HIVEP3: variants seen among roughly 807,000 people sequenced by gnomAD.
The protein encoded by HIVEP3 is transcription factor HIVEP3.
HIVEP3 carries 49 observed loss-of-function variants against 152.8 expected under a neutral mutation model. That is an observed-to-expected ratio of 0.32 (90% CI 0.26 to 0.41). The LOEUF (loss-of-function observed/expected upper bound fraction) is 0.41. HIVEP3 is among the 10% of genes least tolerant of loss of function. The pLI, the probability that HIVEP3 is intolerant of heterozygous loss-of-function variation, is 1.00. For missense variants in HIVEP3, 2,790 were observed against 3,103.3 expected (o/e 0.90, Z 2.40); for synonymous variants, 1,269 against 1,289.0 (o/e 0.98, Z 0.33).
At chr1:41,714,735 C>T (rs915597578) in intron 1 of HIVEP3, among the ~76,000 whole-genome samples, 2 of 152,206 alleles carry the variant, frequency 1.3e-5, no homozygotes, top group Non-Finnish European at 2.9e-5. Context: ...AGCACCAAAA[C>T]TTTGTTGCTG....
chr1:41,915,508 TA>T (rs1203266323), intron 1 of HIVEP3, among the ~76,000 whole-genome samples: 1 of 152,226 alleles, frequency 6.6e-6, no homozygotes, highest in Non-Finnish European at 1.5e-5. Context: ...CCAAGCCTCT[TA>T]AAACTTGAAG....
Position 41,524,389 on chromosome 1 carries a change from C to T in HIVEP3, c.5383+346G>A, listed in dbSNP as rs879938071. On this transcript the variant is annotated intron_variant, in intron 6 of 8. Coordinates refer to ENST00000372583, the MANE Select transcript of HIVEP3 (RefSeq NM_024503.5). Reference sequence around the variant, plus strand: ...GGAGTGTCTCAGATCAGTGGATAAACGGCTCAGGAGACATGCAGAAGGGAG... The same window carrying T: ...GGAGTGTCTCAGATCAGTGGATAAATGGCTCAGGAGACATGCAGAAGGGAG... Among the ~76,000 whole-genome samples the T allele has an allele frequency of 2.0e-5, 3 of 152,206 alleles. 1 individual carries two copies. In the South Asian group the frequency reaches 6.2e-4, roughly 32 times the overall value.
chr1:41,733,832 C>T (rs1455760894), intron 1 of HIVEP3, among the ~76,000 whole-genome samples: 1 of 152,206 alleles, frequency 6.6e-6, no homozygotes, highest in Non-Finnish European at 1.5e-5. Context: ...CTCAGCATCC[C>T]AGGCCAGCCT....
intron 5 of HIVEP3, among the ~76,000 whole-genome samples, chr1:41,531,270 AGATGGAG>A (rs1643240028): frequency 1.4e-5 from 2 of 143,120 alleles, no homozygotes; most frequent in Non-Finnish European, 3.1e-5. Flanking sequence ...AGGACAGGAG[AGATGGAG>A]GACAGGGGAG....
intron 1 of HIVEP3, among the ~76,000 whole-genome samples, chr1:41,856,442 G>T (rs1643768398): frequency 6.6e-6 from 1 of 152,172 alleles, no homozygotes; most frequent in Non-Finnish European, 1.5e-5. Context: ...TGGCTAAGGG[G>T]AAGAGAAAAG....
chr1:41,767,666 G>A (rs559165085), intron 1 of HIVEP3, among the ~76,000 whole-genome samples: 1 of 152,328 alleles, frequency 6.6e-6, no homozygotes, highest in African/African-American at 2.4e-5. Context: ...AAATACCCGC[G>A]AACAAGCACA....
At chr1:41,957,695 C>T (rs967123009) in intron 1 of HIVEP3, among the ~76,000 whole-genome samples, 1 of 152,148 alleles carries the variant, frequency 6.6e-6, no homozygotes, top group Non-Finnish European at 1.5e-5. Flanking sequence ...TGGTCCAGAT[C>T]TATTCTTAGC....
At chr1:41,963,869 G>T (rs1474704870) in intron 1 of HIVEP3, among the ~76,000 whole-genome samples, 1 of 152,098 alleles carries the variant, frequency 6.6e-6, no homozygotes, top group Admixed American at 6.5e-5. Flanking sequence ...GTCACTCCCG[G>T]ACATACTCAG....
At chr1:41,748,039 G>A (rs999756587) in intron 1 of HIVEP3, among the ~76,000 whole-genome samples, 1 of 152,194 alleles carries the variant, frequency 6.6e-6, no homozygotes, top group Admixed American at 6.5e-5. Flanking sequence ...TTGAGTTAAG[G>A]CCAGGGCAGG....
At chr1:41,680,529 G>C (rs565414690) in intron 2 of HIVEP3, among the ~76,000 whole-genome samples, 1 of 152,210 alleles carries the variant, frequency 6.6e-6, no homozygotes, top group Non-Finnish European at 1.5e-5. Context: ...GCTGATAGCT[G>C]TCTCAGTCCC....
chr1:41,591,607 C>G (rs900571710), intron 3 of HIVEP3, among the ~76,000 whole-genome samples: 4 of 152,000 alleles, frequency 2.6e-5, no homozygotes, highest in African/African-American at 7.3e-5. Context: ...ATCTTCCTGA[C>G]TCCATGGAAG....
chr1:42,020,823 G>A (rs1032433122), intron 1 of HIVEP3, among the ~76,000 whole-genome samples: 2 of 152,288 alleles, frequency 1.3e-5, no homozygotes, highest in East Asian at 3.9e-4. Context: ...CTGGGGAGGT[G>A]GAAAGGAAAG....
At chr1:41,948,962 T>C (rs1313794846) in intron 1 of HIVEP3, among the ~76,000 whole-genome samples, 1 of 152,106 alleles carries the variant, frequency 6.6e-6, no homozygotes, top group Non-Finnish European at 1.5e-5. Context: ...ACCACTTCTG[T>C]TTTAGTAGGA....
At chr1:41,516,427 C>T (rs142832716) in intron 7 of HIVEP3, among the ~76,000 whole-genome samples, 425 of 152,350 alleles carry the variant, frequency 2.8e-3, no homozygotes, top group African/African-American at 6.9e-3. Flanking sequence ...GAAACTCCAT[C>T]CTTCAGTCTC....
chr1:41,528,861 C>T (rs1180715493), intron 5 of HIVEP3, among the ~76,000 whole-genome samples: 1 of 140,432 alleles, frequency 7.1e-6, no homozygotes, highest in Non-Finnish European at 1.5e-5. Context: ...CACTCACCTT[C>T]ACACACTCCA....
At chr1:41,616,333 C>T (rs556603596) in intron 3 of HIVEP3, among the ~76,000 whole-genome samples, 1 of 152,308 alleles carries the variant, frequency 6.6e-6, no homozygotes, top group Non-Finnish European at 1.5e-5. Context: ...CTTTGTTCCC[C>T]ACCTGCACAA....
intron 1 of HIVEP3, among the ~76,000 whole-genome samples, chr1:41,786,554 T>C (rs1649358826): frequency 6.6e-6 from 1 of 152,324 alleles, no homozygotes; most frequent in East Asian, 1.9e-4. Context: ...GCAACGCAGA[T>C]ACACCCATTC....
At chr1:41,705,053 C>T (rs1014660660) in intron 1 of HIVEP3, among the ~76,000 whole-genome samples, 2 of 152,198 alleles carry the variant, frequency 1.3e-5, no homozygotes, top group Non-Finnish European at 2.9e-5. Context: ...AGGCACTGTG[C>T]GAGGTTCTGG....
chr1:41,703,165 T>A (rs1646387913), intron 1 of HIVEP3, among the ~76,000 whole-genome samples: 1 of 152,190 alleles, frequency 6.6e-6, no homozygotes, highest in African/African-American at 2.4e-5. Flanking sequence ...CATACAGCTG[T>A]CAAGGCCACA....
Sources: allele counts gnomAD v4.1 joint callset (sites outside exome capture counted in the v4.1 genomes callset), GRCh38; gene constraint gnomAD v4.1.1; transcripts MANE v1.5; gene names NCBI Gene and HGNC (gene_info 2026-07-23, HGNC 2026-07-21).